Variants in SHROOM4 observed in about 807,000 individuals in gnomAD.
SHROOM4 encodes protein Shroom4.
In SHROOM4, 17 loss-of-function variants were observed where a neutral mutation model predicts 80.3. The observed-to-expected ratio is 0.21, with a 90% confidence interval of 0.14 to 0.32. The LOEUF is 0.32. Among genes scored for constraint, SHROOM4 ranks in the 10% least tolerant of loss-of-function variants. The probability of loss-of-function intolerance (pLI) is 1.00; values close to 1 mark genes in which losing one functional copy is unlikely to be tolerated. For synonymous variants in SHROOM4, 400 were observed against 437.5 expected, an observed-to-expected ratio of 0.91 and a Z score of 1.07; for missense variants, 993 against 1,140.3, an observed-to-expected ratio of 0.87 and a Z score of 1.86.
chrX:50,767,847 A>C, intron 1 of SHROOM4, among the ~76,000 whole-genome samples: 1 of 112,107 alleles, frequency 8.9e-6, no homozygotes, highest in Middle Eastern at 4.6e-3. Context: ...TAAACTTTAT[A>C]AATTATAAGT....
chrX:50,611,151 T>TTTTC (rs1451137030), intron 5 of SHROOM4, among the ~76,000 whole-genome samples: 19 of 87,497 alleles, frequency 2.2e-4, no homozygotes, highest in Admixed American at 7.3e-4. Context: ...TTTCTTTTTT[T>TTTTC]TTTTTTTTTT....
intron 2 of SHROOM4, among the ~76,000 whole-genome samples, chrX:50,670,574 G>A (rs1042079329): frequency 5.4e-5 from 6 of 111,644 alleles, no homozygotes; most frequent in African/African-American, 2.0e-4. Context: ...AAACATACGT[G>A]TACATGTGTC....
At chrX:50,803,212 T>C (rs1177178372) in intron 1 of SHROOM4, among the ~76,000 whole-genome samples, 1 of 111,903 alleles carries the variant, frequency 8.9e-6, no homozygotes, top group African/African-American at 3.2e-5. Context: ...AAAGAGCTAA[T>C]ATGTGTTAAG....
chrX:50,806,045 G>A (rs2147741981), intron 1 of SHROOM4, among the ~76,000 whole-genome samples: 1 of 108,771 alleles, frequency 9.2e-6, no homozygotes, highest in East Asian at 3.0e-4. Context: ...AAAAAAAGTT[G>A]GGTTTTGGAC....
chrX:50,744,440 TA>T (rs2147584013), intron 1 of SHROOM4, among the ~76,000 whole-genome samples: 1 of 112,231 alleles, frequency 8.9e-6, no homozygotes, highest in South Asian at 3.8e-4. Flanking sequence ...TGGTTCTTTT[TA>T]AAAAATAAGT....
chrX:50,785,414 C>T, intron 1 of SHROOM4, among the ~76,000 whole-genome samples: 2 of 111,512 alleles, frequency 1.8e-5, no homozygotes, highest in Middle Eastern at 9.3e-3. Flanking sequence ...TTCATAATAG[C>T]CAGAAATAAT....
At chrX:50,669,185 A>G (rs1557260583) in intron 2 of SHROOM4, among the ~76,000 whole-genome samples, 1 of 111,802 alleles carries the variant, frequency 8.9e-6, no homozygotes, top group Admixed American at 9.5e-5. Context: ...AGGTGTGGCA[A>G]TTTCATAAAA....
intron 1 of SHROOM4, among the ~76,000 whole-genome samples, chrX:50,742,235 G>A (rs1934676969): frequency 9.1e-6 from 1 of 110,382 alleles, no homozygotes; most frequent in Non-Finnish European, 1.9e-5. Context: ...TTTTCAAATA[G>A]TTTTAGATTT....
intron 1 of SHROOM4, among the ~76,000 whole-genome samples, chrX:50,728,999 C>A (rs1602468047): frequency 9.5e-6 from 1 of 105,306 alleles, no homozygotes; most frequent in African/African-American, 3.5e-5. Flanking sequence ...AACAGCAAGT[C>A]CCAAAAATTG....
intron 2 of SHROOM4, among the ~76,000 whole-genome samples, chrX:50,680,519 A>G (rs1932918927): frequency 1.8e-5 from 2 of 111,271 alleles, no homozygotes; most frequent in Admixed American, 1.9e-4. Context: ...CATATAAATT[A>G]ATATGCATGT....
rs782177763 is a variant in SHROOM4 at position 50,758,230 on chromosome X, G to C, written c.117+55672C>G. On this transcript the variant is annotated intron_variant, in intron 1 of 8. Coordinates refer to ENST00000376020, the MANE Select transcript of SHROOM4 (RefSeq NM_020717.5). ...TAGCTTTTTTTGTCTAATTGCCTTGGATAGAATCTGTAATGCAATGTTGAA... is the reference window on the plus strand; with the variant it reads ...TAGCTTTTTTTGTCTAATTGCCTTGCATAGAATCTGTAATGCAATGTTGAA... 8.1e-5 allele frequency among the ~76,000 whole-genome samples: 9 copies of C among 111,607 alleles called. No individual in the cohort carries two copies. The South Asian group carries it at 3.4e-3, about 42-fold the overall frequency.
rs1557254998 is a variant in SHROOM4 at position 50,633,955 on chromosome X, G to A, written c.2118C>T (p.Asp706=). 3 of 1,211,861 alleles carry A rather than the reference G, an allele frequency of 2.5e-6. No homozygotes were observed. The highest frequency in any genetic ancestry group is 3.4e-6 in the Non-Finnish European group (3 of 895,507). ...LGLNTWWKAP[D]PSSSDPEKAH... ...CTTTCTCAGGGTCTGAGGAGGATGG[G>A]TCAGGTGCTTTCCACCAGGTGTTCA... The change falls in exon 4 of 9, where the codon GAC becomes GAT. Residue 706 remains aspartate, a synonymous_variant. Transcript: ENST00000376020.
intron 1 of SHROOM4, among the ~76,000 whole-genome samples, chrX:50,787,917 G>A (rs1935778838): frequency 9.0e-6 from 1 of 111,278 alleles, no homozygotes; most frequent in Admixed American, 9.5e-5. Flanking sequence ...TGCCTTACAA[G>A]AAATGATAAA....
At chrX:50,683,505 A>C (rs1932988775) in intron 2 of SHROOM4, among the ~76,000 whole-genome samples, 1 of 111,881 alleles carries the variant, frequency 8.9e-6, no homozygotes, top group Non-Finnish European at 1.9e-5. Flanking sequence ...GTAGGTAAAC[A>C]AATTGAGAGA....
At chrX:50,774,551 T>A (rs1485224454) in intron 1 of SHROOM4, among the ~76,000 whole-genome samples, 2 of 110,483 alleles carry the variant, frequency 1.8e-5, no homozygotes, top group Non-Finnish European at 3.8e-5. Context: ...CTTCTCAGGA[T>A]GGCCAAAAAT....
At chrX:50,800,160 G>A (rs1435116992) in intron 1 of SHROOM4, among the ~76,000 whole-genome samples, 2 of 111,950 alleles carry the variant, frequency 1.8e-5, no homozygotes, top group East Asian at 5.6e-4. Context: ...ACTTAGGTGG[G>A]GTGTCACACA....
intron 2 of SHROOM4, 79 bp from the exon 3 acceptor site, chrX:50,638,387 C>A: frequency 8.8e-7 from 1 of 1,136,975 alleles, no homozygotes; most frequent in South Asian, 1.9e-5. Context: ...CGCCCCACCC[C>A]CTCTTTTCCT....
At position 50,633,889 on chromosome X, in the gene SHROOM4, C is replaced by G; in HGVS notation, c.2184G>C (p.Trp728Cys). 8.3e-7 allele frequency: 1 copy of G among 1,211,644 alleles called. No individual in the cohort carries two copies. The highest frequency in any genetic ancestry group is 1.1e-6 in the Non-Finnish European group (1 of 895,347). The change falls in exon 4 of 9, where the codon TGG (tryptophan) becomes TGC (cysteine). Residue 728 changes from tryptophan to cysteine, a missense_variant. By Grantham distance (215) the Trp-to-Cys change is radical. Coordinates refer to ENST00000376020, the MANE Select transcript of SHROOM4 (RefSeq NM_020717.5). ...HCGVRGGHWR[W>C]SPEHNSQPLV... ...GTGGCTGTGAATTATGCTCTGGAGA[C>G]CATCTCCAATGACCTCCACGGACTC...
chrX:50,680,606 C>T (rs1477796892), intron 2 of SHROOM4, among the ~76,000 whole-genome samples: 1 of 111,145 alleles, frequency 9.0e-6, no homozygotes, highest in Non-Finnish European at 1.9e-5. Flanking sequence ...GTTTGTCTTT[C>T]CTAAGGAGAG....
Sources: gnomAD v4.1 joint callset for allele counts (sites outside exome capture counted in the v4.1 genomes callset) on GRCh38, gnomAD v4.1.1 for gene constraint, MANE v1.5 for transcripts, NCBI Gene and HGNC (gene_info 2026-07-23, HGNC 2026-07-21) for gene names.